EHMT1: variants seen among roughly 807,000 people sequenced by gnomAD.
The protein encoded by EHMT1 is histone-lysine N-methyltransferase EHMT1.
In EHMT1, 15 loss-of-function variants were observed where a neutral mutation model predicts 147.2. That is an observed-to-expected ratio of 0.10 (90% CI 0.07 to 0.16). The LOEUF (loss-of-function observed/expected upper bound fraction) is 0.16, where lower values mean the gene tolerates loss of function less well. EHMT1 is among the 10% of genes least tolerant of loss of function. The pLI is 1.00. For missense variants in EHMT1, 1,587 were observed against 1,772.4 expected, an observed-to-expected ratio of 0.90 and a Z score of 1.88; for synonymous variants, 795 against 709.6, an observed-to-expected ratio of 1.12 and a Z score of -1.91.
At chr9:137,824,010 G>A (rs1955640961) in intron 25 of EHMT1, among the ~76,000 whole-genome samples, 1 of 152,230 alleles carries the variant, frequency 6.6e-6, no homozygotes, top group African/African-American at 2.4e-5. Context: ...TGTCTTTCAG[G>A]AAGCAGAATT....
At chr9:137,651,825 G>C (rs751253726) in intron 1 of EHMT1, among the ~76,000 whole-genome samples, 1 of 152,054 alleles carries the variant, frequency 6.6e-6, no homozygotes, top group African/African-American at 2.4e-5. Context: ...TAGTGGAGCC[G>C]AAAAGTTCCT....
chr9:137,808,372 G>T (rs1044433718), intron 18 of EHMT1, among the ~76,000 whole-genome samples: 3 of 152,162 alleles, frequency 2.0e-5, no homozygotes, highest in African/African-American at 7.2e-5. Flanking sequence ...GGGCAGCCAC[G>T]GGCTCCCTCA....
intron 1 of EHMT1, among the ~76,000 whole-genome samples, chr9:137,679,016 C>T (rs1941676250): frequency 6.6e-6 from 1 of 152,050 alleles, no homozygotes; most frequent in South Asian, 2.1e-4. Flanking sequence ...TGCAATGGCG[C>T]GATCTCCGCT....
At chr9:137,802,907 G>C in intron 18 of EHMT1, 1 of 1,232,596 alleles carries the variant, frequency 8.1e-7, no homozygotes, top group Non-Finnish European at 1.0e-6. Flanking sequence ...AGGAAGAGAA[G>C]AGGGAAGCAG....
chr9:137,657,606 A>C (rs939217962), intron 1 of EHMT1, among the ~76,000 whole-genome samples: 2 of 151,960 alleles, frequency 1.3e-5, no homozygotes, highest in African/African-American at 4.8e-5. Context: ...CATACAGTGC[A>C]TAACAATCAC....
rs544826492 is a variant in EHMT1 at position 137,828,583 on chromosome 9, C to T, written c.3541-5766C>T. Among the ~76,000 whole-genome samples the T allele has an allele frequency of 1.1e-4, 16 of 149,700 alleles. No homozygotes were observed. Among genetic ancestry groups the T allele is most frequent in the Admixed American group, 6.6e-4 (10 of 15,044 alleles). The stretch of plus-strand genomic sequence containing the variant: ...CACAAAGTGTGCTCCTGCGGGGGTG[C>T]GGGGTGGGGGAGGTACCACGTCTCC... On this transcript the variant is annotated intron_variant, in intron 25 of 26. Coordinates refer to ENST00000460843, the MANE Select transcript of EHMT1 (RefSeq NM_024757.5). This position sits in a 1 kb window ranked among gnomAD's most constrained non-coding sequence, Gnocchi z 5.3.
intron 18 of EHMT1, among the ~76,000 whole-genome samples, chr9:137,810,999 C>G (rs1954433581): frequency 6.6e-6 from 1 of 152,094 alleles, no homozygotes; most frequent in Non-Finnish European, 1.5e-5. Flanking sequence ...CCATGCCCGG[C>G]CCAAAATTTT....
chr9:137,834,250 A>C, intron 25 of EHMT1, 99 bp from the exon 26 acceptor site: 2 of 1,501,036 alleles, frequency 1.3e-6, no homozygotes, highest in Non-Finnish European at 1.8e-6. Flanking sequence ...GCCTGCGCCC[A>C]ACTGCAGGCT....
chr9:137,702,737 C>T (rs1943941041), intron 1 of EHMT1, among the ~76,000 whole-genome samples: 1 of 152,218 alleles, frequency 6.6e-6, no homozygotes, highest in African/African-American at 2.4e-5. Flanking sequence ...CTATGTGGGG[C>T]TCCAGTCCCA....
At chr9:137,754,930 C>T (rs114476180) in intron 8 of EHMT1, among the ~76,000 whole-genome samples, 1 of 152,182 alleles carries the variant, frequency 6.6e-6, no homozygotes. Flanking sequence ...AGCGGCCCCT[C>T]AGTGAGGCAC....
intron 9 of EHMT1, 57 bp downstream of exon 9, chr9:137,758,068 C>T: frequency 3.1e-6 from 5 of 1,610,938 alleles, no homozygotes; most frequent in Non-Finnish European, 4.2e-6. Context: ...GTCTTCTGGG[C>T]TCCTTCCTCT....
At chr9:137,735,398 A>G (rs993870586) in intron 4 of EHMT1, among the ~76,000 whole-genome samples, 5 of 152,236 alleles carry the variant, frequency 3.3e-5, no homozygotes, top group Non-Finnish European at 7.3e-5. Context: ...TATAGAACAT[A>G]CACAAAAGGA....
Position 137,776,012 on chromosome 9 carries a change from C to T in EHMT1, c.1792-606C>T, listed in dbSNP as rs1214513707. Among the ~76,000 whole-genome samples, 1 of 152,110 alleles carries T rather than the reference C, an allele frequency of 6.6e-6. No homozygotes were observed. The highest frequency in any genetic ancestry group is 1.5e-5 in the Non-Finnish European group (1 of 68,018). ...CAGGCACCCAGAGATGCCCTGCTGC[C>T]CCTTTACGAACATGGGCCAAGAGCT... On this transcript the variant is annotated intron_variant, in intron 11 of 26. Transcript: ENST00000460843. The surrounding 1 kb of genome is among the most constrained non-coding windows in gnomAD (Gnocchi z 4.4).
chr9:137,623,212 CAAAAAAAAA>C (rs879493843), intron 1 of EHMT1, among the ~76,000 whole-genome samples: 2 of 112,684 alleles, frequency 1.8e-5, no homozygotes, highest in East Asian at 2.5e-4. Flanking sequence ...GACTCCGTCT[CAAAAAAAAA>C]AAAAAGAAAA....
rs780102096 is a variant in EHMT1, at chr9:137,816,017, C to T, written c.3329C>T (p.Ser1110Phe). Residue 1110 changes from serine (S) to phenylalanine (F), a missense_variant, in exon 23 of 27, where the codon TCC (serine) becomes TTC (phenylalanine). Ser to Phe is a radical substitution (Grantham distance 155). Transcript: ENST00000460843. The part of the protein sequence containing the change: ...PLIFECNHAC[S>F]CWRNCRNRVV... ...ATCTTCGAATGCAACCACGCGTGCT[C>T]CTGCTGGAGGAACTGCCGAAATCGC... 6.2e-7 allele frequency: 1 copy of T among 1,613,230 alleles called. No individual in the cohort carries two copies. Among genetic ancestry groups the T allele is most frequent in the Admixed American group, 1.7e-5 (1 of 59,972 alleles).
At position 137,619,044 on chromosome 9, in the gene EHMT1, G is replaced by C. The variant is rs890540301; in HGVS notation, c.16G>C (p.Ala6Pro). The C allele has an allele frequency of 2.1e-6, 2 of 957,954 alleles. No individual in the cohort carries two copies. The highest frequency in any genetic ancestry group is 2.5e-6 in the Non-Finnish European group (2 of 807,128). The allele number at this position is 957,954 out of a possible 1,614,324, so 59.3% of individuals were successfully genotyped here. A position where few individuals can be genotyped will look rare whatever the true frequency, so the allele number is the denominator to read the frequency against. MAAAD[A>P]EAVPARGEPQ... Reference sequence around the variant, plus strand: ...GGCCCGGGCCATGGCCGCCGCCGATGCCGAGGTGAGCAGCGGGGCCGGCGG... The same window carrying C: ...GGCCCGGGCCATGGCCGCCGCCGATCCCGAGGTGAGCAGCGGGGCCGGCGG... Residue 6 changes from alanine to proline, a missense_variant, in exon 1 of 27, where the codon GCC becomes CCC. Ala to Pro is a conservative substitution (Grantham distance 27). Transcript: ENST00000460843.
intron 15 of EHMT1, chr9:137,784,292 A>G (rs1363504116): frequency 6.9e-7 from 1 of 1,451,294 alleles, no homozygotes; most frequent in Admixed American, 2.4e-5. Flanking sequence ...CCTTTCAGAG[A>G]GGCGTGGCTC....
At chr9:137,752,050 C>T (rs923898717) in intron 6 of EHMT1, among the ~76,000 whole-genome samples, 1 of 152,254 alleles carries the variant, frequency 6.6e-6, no homozygotes, top group Non-Finnish European at 1.5e-5. Flanking sequence ...CCTCAGTCCG[C>T]ACCAGGGCAG....
chr9:137,782,262 A>C lies in EHMT1; in HGVS notation c.2276-29A>C, dbSNP rs2136891293. 2 of 1,588,934 alleles carry C rather than the reference A, an allele frequency of 1.3e-6. No homozygotes were observed. The highest frequency in any genetic ancestry group is 1.7e-6 in the Non-Finnish European group (2 of 1,160,992). ...GCTGGAGTCTGTGGCTACATCTGAA[A>C]TCATTAATAAAACTGTGTTTGTTCA... On this transcript the variant is annotated intron_variant, in intron 14 of 26. Coordinates refer to ENST00000460843, the MANE Select transcript of EHMT1 (RefSeq NM_024757.5). This position sits in a 1 kb window ranked among gnomAD's most constrained non-coding sequence, Gnocchi z 5.7.
Sources: allele counts gnomAD v4.1 joint callset (sites outside exome capture counted in the v4.1 genomes callset), GRCh38; gene constraint gnomAD v4.1.1; non-coding constraint Gnocchi (gnomAD v3.1); transcripts MANE v1.5; gene names NCBI Gene and HGNC (gene_info 2026-07-23, HGNC 2026-07-21).